Variants in KCNH5 observed in about 807,000 individuals in gnomAD.
KCNH5 encodes the protein voltage-gated delayed rectifier potassium channel KCNH5.
KCNH5 carries 46 observed loss-of-function variants against 96.1 expected under a neutral mutation model. The ratio of observed to expected loss-of-function variants is 0.48; its 90% confidence interval spans 0.38 to 0.61. The LOEUF is 0.61. Ranked by LOEUF, KCNH5 falls within the 20% of genes least tolerant of loss-of-function variation. KCNH5 has a pLI of 0.00. For synonymous variants in KCNH5, 439 were observed against 449.8 expected (o/e 0.98, Z 0.30); for missense variants, 907 against 1,225.8 (o/e 0.74, Z 3.88).
intron 7 of KCNH5, among the ~76,000 whole-genome samples, chr14:62,938,854 C>T (rs377099706): frequency 8.9e-4 from 135 of 152,320 alleles, no homozygotes; most frequent in African/African-American, 3.0e-3. Flanking sequence ...TAAGCCAATG[C>T]TACCTTTCGT....
At chr14:62,732,305 A>C (rs943837343) in intron 10 of KCNH5, among the ~76,000 whole-genome samples, 4 of 152,132 alleles carry the variant, frequency 2.6e-5, no homozygotes, top group African/African-American at 9.7e-5. Context: ...CCTTGGAGGA[A>C]ATAAAATTTT....
intron 8 of KCNH5, among the ~76,000 whole-genome samples, chr14:62,807,814 T>C (rs931660438): frequency 6.6e-6 from 1 of 152,198 alleles, no homozygotes; most frequent in African/African-American, 2.4e-5. Flanking sequence ...ATGGTCTGTG[T>C]AAGCTGCGAA....
At chr14:62,758,154 A>G (rs1276967557) in intron 10 of KCNH5, among the ~76,000 whole-genome samples, 1 of 152,042 alleles carries the variant, frequency 6.6e-6, no homozygotes, top group Non-Finnish European at 1.5e-5. Flanking sequence ...AAAAAAAAAA[A>G]AAAAAAGTTA....
intron 3 of KCNH5, among the ~76,000 whole-genome samples, chr14:63,004,600 G>A (rs1430137019): frequency 1.3e-5 from 2 of 152,296 alleles, no homozygotes; most frequent in South Asian, 4.1e-4. Flanking sequence ...ATTCCACTAA[G>A]ATATTTTGTT....
chr14:62,873,382 A>G (rs1208150501), intron 7 of KCNH5, among the ~76,000 whole-genome samples: 1 of 152,248 alleles, frequency 6.6e-6, no homozygotes, highest in Admixed American at 6.5e-5. Context: ...GTGGCTCTTG[A>G]GTGAAAGAAG....
chr14:62,964,888 A>G (rs1428398509), intron 6 of KCNH5, among the ~76,000 whole-genome samples: 1 of 150,988 alleles, frequency 6.6e-6, no homozygotes, highest in African/African-American at 2.4e-5. Flanking sequence ...AACAAAGTTG[A>G]GTCCAATCCC....
At chr14:62,727,181 G>A (rs564737515) in intron 10 of KCNH5, among the ~76,000 whole-genome samples, 22 of 151,930 alleles carry the variant, frequency 1.4e-4, no homozygotes, top group African/African-American at 5.1e-4. Flanking sequence ...TCTGGCCAGC[G>A]TGGTAAAACC....
At chr14:62,839,593 G>A (rs1410027761) in intron 8 of KCNH5, among the ~76,000 whole-genome samples, 5 of 152,026 alleles carry the variant, frequency 3.3e-5, no homozygotes, top group Non-Finnish European at 7.4e-5. Flanking sequence ...TATGTTCCTG[G>A]ATCAATTTAC....
chr14:62,900,486 G>T (rs1888902968), intron 7 of KCNH5, among the ~76,000 whole-genome samples: 1 of 152,124 alleles, frequency 6.6e-6, no homozygotes, highest in Admixed American at 6.5e-5. Flanking sequence ...TAGACATTAT[G>T]GGAAGTGATT....
At chr14:63,008,301 C>T (rs1288735997) in intron 2 of KCNH5, among the ~76,000 whole-genome samples, 1 of 151,982 alleles carries the variant, frequency 6.6e-6, no homozygotes, top group African/African-American at 2.4e-5. Context: ...GACATCCACT[C>T]AAATGAGGGC....
At chr14:62,800,097 A>G (rs548653166) in intron 9 of KCNH5, among the ~76,000 whole-genome samples, 1 of 151,984 alleles carries the variant, frequency 6.6e-6, no homozygotes, top group Admixed American at 6.6e-5. Context: ...TAAACAAACA[A>G]ACAAAAAATC....
At chr14:62,832,426 T>C (rs528321064) in intron 8 of KCNH5, among the ~76,000 whole-genome samples, 5 of 152,170 alleles carry the variant, frequency 3.3e-5, no homozygotes, top group Admixed American at 6.5e-5. Flanking sequence ...TTTTTGATCA[T>C]CTATGGCAAG....
chr14:62,981,658 T>A lies in KCNH5; in HGVS notation c.550-394A>T, dbSNP rs529778351. On this transcript the variant is annotated intron_variant, in intron 5 of 10. Transcript: ENST00000322893. Reference sequence around the variant, plus strand: ...TACACATTTAGCACCTCAGGAAGCATAACTTTGATTCTGATGGCCTCGCTG... The same window carrying A: ...TACACATTTAGCACCTCAGGAAGCAAAACTTTGATTCTGATGGCCTCGCTG... Among the ~76,000 whole-genome samples the A allele has an allele frequency of 1.1e-4, 16 of 152,340 alleles. No homozygotes were observed. The East Asian group carries it at 2.7e-3, about 26-fold the overall frequency.
intron 7 of KCNH5, among the ~76,000 whole-genome samples, chr14:62,908,021 C>G (rs1215086730): frequency 2.0e-5 from 3 of 152,164 alleles, no homozygotes; most frequent in Non-Finnish European, 2.9e-5. Flanking sequence ...ATGAATCTAT[C>G]CACAAAGACC....
chr14:62,863,888 T>C (rs781518846), intron 7 of KCNH5, among the ~76,000 whole-genome samples: 1 of 152,244 alleles, frequency 6.6e-6, no homozygotes. Flanking sequence ...TTTTTATATG[T>C]ATCTGAATGT....
chr14:62,974,943 T>C (rs371489747), intron 6 of KCNH5, among the ~76,000 whole-genome samples: 1 of 152,132 alleles, frequency 6.6e-6, no homozygotes, highest in African/African-American at 2.4e-5. Context: ...CACATACAAA[T>C]GAAATAATAA....
At chr14:62,899,694 C>A (rs8022190) in intron 7 of KCNH5, among the ~76,000 whole-genome samples, 26 of 151,378 alleles carry the variant, frequency 1.7e-4, no homozygotes, top group Non-Finnish European at 3.2e-4. Context: ...ATTAGCCGGG[C>A]GTAGTGGCGG....
At chr14:62,967,276 C>T (rs1890322632) in intron 6 of KCNH5, among the ~76,000 whole-genome samples, 1 of 151,688 alleles carries the variant, frequency 6.6e-6, no homozygotes, top group South Asian at 2.1e-4. Context: ...GAGATGGGGT[C>T]CTAGTATGTT....
At chr14:62,932,459 A>T (rs1215776989) in intron 7 of KCNH5, among the ~76,000 whole-genome samples, 1 of 150,962 alleles carries the variant, frequency 6.6e-6, no homozygotes, top group East Asian at 1.9e-4. Flanking sequence ...ATCATAGAAA[A>T]CTGTAGAAAT....
Sources: gnomAD v4.1 joint callset for allele counts (sites outside exome capture counted in the v4.1 genomes callset) on GRCh38, gnomAD v4.1.1 for gene constraint, MANE v1.5 for transcripts, NCBI Gene and HGNC (gene_info 2026-07-23, HGNC 2026-07-21) for gene names.